Variants in BAIAP2 observed in about 807,000 individuals in gnomAD.
The protein encoded by BAIAP2 is BAR/IMD domain containing adaptor protein 2, also known as BAR/IMD domain-containing adapter protein 2.
A neutral mutation model predicts 63.0 loss-of-function variants in BAIAP2; 18 were observed. The observed-to-expected ratio is 0.29, with a 90% CI of 0.20 to 0.42. The LOEUF is 0.42. Among genes scored for constraint, BAIAP2 ranks in the 10% least tolerant of loss-of-function variants. The pLI is 1.00. For synonymous variants in BAIAP2, 386 were observed against 307.6 expected, an observed-to-expected ratio of 1.25 and a Z score of -2.67; for missense variants, 610 against 734.3, an observed-to-expected ratio of 0.83 and a Z score of 1.96.
intron 3 of BAIAP2, among the ~76,000 whole-genome samples, chr17:81,062,804 G>A (rs1382359211): frequency 6.6e-6 from 1 of 151,762 alleles, no homozygotes; most frequent in Non-Finnish European, 1.5e-5. Flanking sequence ...GTTTGCAGGT[G>A]GAAGATGCTC....
At chr17:81,079,372 C>T (rs190911351) in intron 3 of BAIAP2, among the ~76,000 whole-genome samples, 2 of 152,298 alleles carry the variant, frequency 1.3e-5, no homozygotes, top group East Asian at 3.9e-4. Flanking sequence ...GTGAGGCCCA[C>T]GGTGACCCCA....
chr17:81,110,310 G>T, intron 13 of BAIAP2: 1 of 986,292 alleles, frequency 1.0e-6, no homozygotes. Context: ...ACCCTTCCGC[G>T]CCGGCGTTCC....
intron 1 of BAIAP2, among the ~76,000 whole-genome samples, chr17:81,042,031 C>T (rs1056938531): frequency 1.3e-5 from 2 of 152,120 alleles, no homozygotes; most frequent in Admixed American, 1.3e-4. Context: ...GCCCCTGAGC[C>T]GTCAGGGGTG....
intron 13 of BAIAP2, among the ~76,000 whole-genome samples, chr17:81,112,875 A>AC (rs1176233250): frequency 6.7e-6 from 1 of 150,186 alleles, no homozygotes; most frequent in Non-Finnish European, 1.5e-5. Flanking sequence ...ACCTAGGGAG[A>AC]CCCCCATCTT....
At chr17:81,058,302 T>C (rs543600609) in intron 3 of BAIAP2, among the ~76,000 whole-genome samples, 42 of 152,186 alleles carry the variant, frequency 2.8e-4, no homozygotes, top group Non-Finnish European at 4.7e-4. Context: ...ATTCCTGGTA[T>C]TAAAATGAGT....
At chr17:81,104,972 C>CA (rs367959424) in intron 10 of BAIAP2, 25 of 461,738 alleles carry the variant, frequency 5.4e-5, no homozygotes, top group Non-Finnish European at 9.1e-5. Context: ...GATCTCCCCC[C>CA]AACAGCAGGG....
At chr17:81,044,462 C>T (rs1199451039) in intron 1 of BAIAP2, among the ~76,000 whole-genome samples, 1 of 152,236 alleles carries the variant, frequency 6.6e-6, no homozygotes, top group Non-Finnish European at 1.5e-5. Context: ...TTGTAAGGCG[C>T]TGGTCCTATG....
intron 9 of BAIAP2, 40 bp downstream of exon 9, chr17:81,104,148 C>T (rs753539422): frequency 1.4e-5 from 22 of 1,603,824 alleles, no homozygotes; most frequent in South Asian, 1.1e-4. Context: ...GGTCCCTGGA[C>T]GTGCCTCCTC....
Position 81,085,671 on chromosome 17 carries a change from C to G in BAIAP2, c.297C>G (p.Asn99Lys). The G allele has an allele frequency of 1.2e-6, 2 of 1,613,868 alleles. No individual in the cohort carries two copies. Among genetic ancestry groups the G allele is most frequent in the Non-Finnish European group, 1.7e-6 (2 of 1,179,982 alleles). ...QLEEMLKSFHNELLTQLEQKV... is the reference protein window; with the variant it reads ...QLEEMLKSFHKELLTQLEQKV... ...ATGTCCAGCTGAAGTCTTTTCACAA[C>G]GAGCTGCTTACGCAGCTGGAGCAGA... The change falls in exon 5 of 14, where the codon AAC becomes AAG. Residue 99 changes from asparagine to lysine, a missense_variant. By Grantham distance (94) the Asn-to-Lys change is moderately conservative. Around this residue, in one of 5 missense-constraint regions of BAIAP2, gnomAD observed 389 missense variants for 455.6 expected, o/e 0.85. Transcript: ENST00000428708.
chr17:81,065,102 C>T (rs966464004), intron 3 of BAIAP2, among the ~76,000 whole-genome samples: 10 of 152,138 alleles, frequency 6.6e-5, no homozygotes, highest in African/African-American at 1.7e-4. Flanking sequence ...TTCCCAGGGG[C>T]GTCTGCTCCT....
chr17:81,111,094 C>G, intron 13 of BAIAP2: 3 of 1,064,482 alleles, frequency 2.8e-6, no homozygotes, highest in South Asian at 1.3e-5. Flanking sequence ...GAGCCTGCCT[C>G]TCACTCTGGG....
intron 1 of BAIAP2, chr17:81,036,988 G>C: frequency 2.6e-6 from 4 of 1,521,190 alleles, no homozygotes; most frequent in Non-Finnish European, 3.5e-6. Flanking sequence ...GTTTTGCTCT[G>C]GGGGACCGAC....
At chr17:81,059,614 T>A (rs2144392676) in intron 3 of BAIAP2, among the ~76,000 whole-genome samples, 1 of 151,906 alleles carries the variant, frequency 6.6e-6, no homozygotes, top group East Asian at 1.9e-4. Context: ...CCAGCTGATT[T>A]TTTATTTTTA....
intron 1 of BAIAP2, among the ~76,000 whole-genome samples, chr17:81,049,571 C>T (rs919792901): frequency 4.6e-5 from 7 of 152,240 alleles, no homozygotes; most frequent in Non-Finnish European, 8.8e-5. Flanking sequence ...ACTGTCAGGG[C>T]GTCTGGGCGT....
chr17:81,037,813 G>A lies in BAIAP2; in HGVS notation c.54+2505G>A, dbSNP rs1163284490. ...TTAACTGCAGTTCTGAGTGGTGTTT[G>A]CCTTGGCAAAGGAGGACGCTTGTCC... On this transcript the variant is annotated intron_variant, in intron 1 of 13. Transcript: ENST00000428708. Among the ~76,000 whole-genome samples, 3 of 152,388 alleles carry A rather than the reference G, an allele frequency of 2.0e-5. No individual in the cohort carries two copies. The East Asian group carries it at 5.8e-4, about 29-fold the overall frequency.
chr17:81,074,739 CGT>C (rs2053367024), intron 3 of BAIAP2, among the ~76,000 whole-genome samples: 1 of 144,788 alleles, frequency 6.9e-6, no homozygotes, highest in African/African-American at 2.6e-5. Context: ...TGCACAGATG[CGT>C]GTGAGTGCCT....
At chr17:81,058,361 C>T (rs1354278065) in intron 3 of BAIAP2, among the ~76,000 whole-genome samples, 1 of 152,190 alleles carries the variant, frequency 6.6e-6, no homozygotes, top group Non-Finnish European at 1.5e-5. Context: ...GAAGACACCC[C>T]AGCAGCGTGA....
chr17:81,064,015 G>A (rs1466400021), intron 3 of BAIAP2, among the ~76,000 whole-genome samples: 1 of 152,174 alleles, frequency 6.6e-6, no homozygotes, highest in Non-Finnish European at 1.5e-5. Context: ...CCTGACACCC[G>A]GCCGAGCAGG....
At chr17:81,061,240 T>C (rs190644054) in intron 3 of BAIAP2, among the ~76,000 whole-genome samples, 2 of 152,356 alleles carry the variant, frequency 1.3e-5, no homozygotes, top group East Asian at 1.9e-4. Context: ...TTTAAACTCA[T>C]GTACGGTGTT....
Sources: allele counts gnomAD v4.1 joint callset (sites outside exome capture counted in the v4.1 genomes callset), GRCh38; gene constraint gnomAD v4.1.1; regional missense constraint gnomAD v4.1.1; transcripts MANE v1.5; gene names NCBI Gene and HGNC (gene_info 2026-07-23, HGNC 2026-07-21).